The following MECOM variants were observed in gnomAD, a reference collection of about 807,000 sequenced individuals.
The protein encoded by MECOM is MDS1 and EVI1 complex locus.
In MECOM, 13 loss-of-function variants were observed where a neutral mutation model predicts 116.3. The ratio of observed to expected loss-of-function variants is 0.11; its 90% confidence interval spans 0.07 to 0.18. The LOEUF (loss-of-function observed/expected upper bound fraction) is 0.18, where lower values mean the gene tolerates loss of function less well. MECOM is among the 10% of genes least tolerant of loss of function. The probability of loss-of-function intolerance (pLI) is 1.00; values close to 1 mark genes in which losing one functional copy is unlikely to be tolerated. For synonymous variants in MECOM, 528 were observed against 535.2 expected, an observed-to-expected ratio of 0.99 and a Z score of 0.19; for missense variants, 1,299 against 1,509.0, an observed-to-expected ratio of 0.86 and a Z score of 2.31.
chr3:169,467,936 C>T (rs1226964953), intron 1 of MECOM, among the ~76,000 whole-genome samples: 1 of 152,076 alleles, frequency 6.6e-6, no homozygotes, highest in Non-Finnish European at 1.5e-5. Context: ...TGTTAAAAGG[C>T]TTCTAAGATC....
At chr3:169,192,425 A>T (rs192333988) in intron 2 of MECOM, among the ~76,000 whole-genome samples, 14 of 152,042 alleles carry the variant, frequency 9.2e-5, no homozygotes, top group African/African-American at 2.2e-4. Context: ...AAAACCTCAA[A>T]TTTTTTTATT....
rs1560125813 is a variant in MECOM, at chr3:169,095,262, G to A, written c.2850-17C>T. 3.1e-6 allele frequency: 5 copies of A among 1,597,544 alleles called. No individual in the cohort carries two copies. The highest frequency in any genetic ancestry group is 2.3e-5 in the South Asian group (2 of 87,392). On this transcript the variant is annotated splice_polypyrimidine_tract_variant and intron_variant, in intron 12 of 16. Coordinates refer to ENST00000651503, the MANE Select transcript of MECOM (RefSeq NM_004991.4). ...TATTTGCATCTGAAAAATAAACAAA[G>A]AGAAAATATTAGCAAGCACATTAAA...
At chr3:169,320,473 G>A (rs572121095) in intron 2 of MECOM, among the ~76,000 whole-genome samples, 30 of 152,148 alleles carry the variant, frequency 2.0e-4, no homozygotes, top group Non-Finnish European at 3.7e-4. Flanking sequence ...TTGGTCAGGA[G>A]GAAACGGTAA....
intron 16 of MECOM, among the ~76,000 whole-genome samples, chr3:169,085,255 A>G (rs1205223580): frequency 6.6e-6 from 1 of 152,190 alleles, no homozygotes; most frequent in Non-Finnish European, 1.5e-5. Flanking sequence ...GACACACGCT[A>G]CAGAACCAAA....
intron 1 of MECOM, among the ~76,000 whole-genome samples, chr3:169,549,268 G>A (rs1046252948): frequency 2.6e-5 from 4 of 152,018 alleles, no homozygotes; most frequent in Admixed American, 6.5e-5. Context: ...CACCGTGCCC[G>A]GCCGACACTT....
At chr3:169,088,878 A>T in intron 16 of MECOM, 122 bp downstream of exon 16, 1 of 873,100 alleles carries the variant, frequency 1.1e-6, no homozygotes, top group South Asian at 2.8e-5. Context: ...TTAGAAAGGC[A>T]TCTGACCCCA....
In MECOM at chr3:169,565,761, G is replaced by A. The variant is rs183761989; in HGVS notation, c.37+97575C>T. ...GGTTTTAGTGAGAGAGTTTGAATCTGCCTAGAGTGTACACCTCAAGTAGTT... is the reference window on the plus strand; with the variant it reads ...GGTTTTAGTGAGAGAGTTTGAATCTACCTAGAGTGTACACCTCAAGTAGTT... On this transcript the variant is annotated intron_variant, in intron 1 of 16. Coordinates refer to ENST00000651503, the MANE Select transcript of MECOM (RefSeq NM_004991.4). Among the ~76,000 whole-genome samples the A allele has an allele frequency of 2.6e-5, 4 of 152,278 alleles. No individual in the cohort carries two copies. The South Asian group carries it at 8.3e-4, about 32-fold the overall frequency.
At chr3:169,348,148 G>C (rs1577805108) in intron 2 of MECOM, among the ~76,000 whole-genome samples, 1 of 152,204 alleles carries the variant, frequency 6.6e-6, no homozygotes, top group East Asian at 1.9e-4. Context: ...AGAAAGCAGT[G>C]GTAGTGTATG....
intron 1 of MECOM, among the ~76,000 whole-genome samples, chr3:169,413,926 G>T (rs1578024778): frequency 1.3e-5 from 2 of 152,168 alleles, no homozygotes; most frequent in Admixed American, 6.5e-5. Context: ...TCCTGGAACA[G>T]AGAACCTGGG....
At chr3:169,356,850 G>A (rs1727368861) in intron 2 of MECOM, among the ~76,000 whole-genome samples, 1 of 151,832 alleles carries the variant, frequency 6.6e-6, no homozygotes, top group Non-Finnish European at 1.5e-5. Context: ...AGGAAAATCA[G>A]GATCATGCTA....
chr3:169,587,824 T>C (rs933752413), intron 1 of MECOM, among the ~76,000 whole-genome samples: 1 of 152,066 alleles, frequency 6.6e-6, no homozygotes, highest in Admixed American at 6.6e-5. Flanking sequence ...TCTTTTAAAA[T>C]GCACTTTTCT....
At chr3:169,096,796 A>G (rs980490480) in intron 12 of MECOM, among the ~76,000 whole-genome samples, 2 of 152,106 alleles carry the variant, frequency 1.3e-5, no homozygotes, top group Non-Finnish European at 2.9e-5. Flanking sequence ...TAATCTGTTG[A>G]ACTAGTTACT....
intron 1 of MECOM, among the ~76,000 whole-genome samples, chr3:169,638,767 T>C (rs1358288049): frequency 6.6e-6 from 1 of 152,196 alleles, no homozygotes; most frequent in Non-Finnish European, 1.5e-5. Context: ...TTAACATCCG[T>C]GGCAGAGTCA....
chr3:169,227,480 G>C (rs2149513039), intron 2 of MECOM, among the ~76,000 whole-genome samples: 1 of 152,208 alleles, frequency 6.6e-6, no homozygotes, highest in South Asian at 2.1e-4. Context: ...ATTCTGTATA[G>C]ATTTTCTTTT....
intron 1 of MECOM, among the ~76,000 whole-genome samples, chr3:169,444,493 T>C (rs1317443527): frequency 1.3e-5 from 2 of 152,168 alleles, no homozygotes; most frequent in Non-Finnish European, 1.5e-5. Flanking sequence ...TTTTTGCCTC[T>C]TCCTCATTTT....
Position 169,128,066 on chromosome 3 carries a change from A to G in MECOM, c.614-6T>C. 1 of 1,613,872 alleles carries G rather than the reference A, an allele frequency of 6.2e-7. No homozygotes were observed. Among genetic ancestry groups the G allele is most frequent in the South Asian group, 1.1e-5 (1 of 91,080 alleles). ...GCAGCGATATTGCCGTTCTTCTGTGAAAACAATTCAGGTGTTAGGATTGGG... is the reference window on the plus strand; with the variant it reads ...GCAGCGATATTGCCGTTCTTCTGTGGAAACAATTCAGGTGTTAGGATTGGG... On this transcript the variant is annotated splice_region_variant and splice_polypyrimidine_tract_variant and intron_variant, in intron 4 of 16. Coordinates refer to ENST00000651503, the MANE Select transcript of MECOM (RefSeq NM_004991.4).
At chr3:169,281,628 T>C (rs1712027857) in intron 2 of MECOM, among the ~76,000 whole-genome samples, 1 of 152,014 alleles carries the variant, frequency 6.6e-6, no homozygotes, top group Admixed American at 6.6e-5. Context: ...CTGGGCAACA[T>C]GGCAAAACCC....
At chr3:169,553,238 G>T (rs1320012474) in intron 1 of MECOM, among the ~76,000 whole-genome samples, 2 of 151,918 alleles carry the variant, frequency 1.3e-5, no homozygotes, top group Non-Finnish European at 2.9e-5. Context: ...ATTAAGAATA[G>T]AATTTTTAAA....
rs1230069764 is a variant in MECOM at position 169,084,390 on chromosome 3, TTGAC to T, written c.*515_*518del. 3 of 231,894 alleles carry T rather than the reference TTGAC, an allele frequency of 1.3e-5. No homozygotes were observed. Among genetic ancestry groups the T allele is most frequent in the African/African-American group, 6.6e-5 (3 of 45,250 alleles). 14.4% of individuals were successfully genotyped at this position (231,894 alleles called of 1,614,324 possible). The stretch of plus-strand genomic sequence containing the variant: ...TCCCTGTTATCAGTTTCTATAATAA[TTGAC>T]TGTGCATTTCATCCAACTACTTCTG... On this transcript the variant is annotated 3_prime_UTR_variant, in exon 17 of 17. Coordinates refer to ENST00000651503, the MANE Select transcript of MECOM (RefSeq NM_004991.4).
Sources: gnomAD v4.1 joint callset for allele counts (sites outside exome capture counted in the v4.1 genomes callset) on GRCh38, gnomAD v4.1.1 for gene constraint, MANE v1.5 for transcripts, NCBI Gene and HGNC (gene_info 2026-07-23, HGNC 2026-07-21) for gene names.